Variants in MAP3K5 observed in about 807,000 individuals in gnomAD.
MAP3K5 encodes mitogen-activated protein kinase kinase kinase 5, also known as ASK-1.
MAP3K5 carries 56 observed loss-of-function variants against 158.7 expected under a neutral mutation model. That is an observed-to-expected ratio of 0.35 (90% CI 0.28 to 0.44). The LOEUF is 0.44. Ranked by LOEUF, MAP3K5 falls within the 20% of genes least tolerant of loss-of-function variation. The pLI is 1.00. For missense variants in MAP3K5, 1,294 were observed against 1,674.8 expected, an observed-to-expected ratio of 0.77 and a Z score of 3.97; for synonymous variants, 579 against 601.7, an observed-to-expected ratio of 0.96 and a Z score of 0.55.
intron 1 of MAP3K5, among the ~76,000 whole-genome samples, chr6:136,733,323 T>C (rs527365630): frequency 6.6e-6 from 1 of 152,278 alleles, no homozygotes; most frequent in South Asian, 2.1e-4. Context: ...TCGATGATGG[T>C]TTAGTAAGTG....
At chr6:136,597,549 T>A (rs1391134211) in intron 21 of MAP3K5, among the ~76,000 whole-genome samples, 1 of 152,230 alleles carries the variant, frequency 6.6e-6, no homozygotes, top group Non-Finnish European at 1.5e-5. Context: ...GTTCTCACAC[T>A]GCAGTGATGA....
chr6:136,576,932 G>A (rs78871671), intron 25 of MAP3K5, among the ~76,000 whole-genome samples: 3,160 of 151,606 alleles, frequency 0.021, 58 homozygotes, highest in East Asian at 0.072. Flanking sequence ...TTTGTAGCCC[G>A]GGAGCAACAG....
At chr6:136,762,284 G>C (rs1426595002) in intron 1 of MAP3K5, among the ~76,000 whole-genome samples, 2 of 152,216 alleles carry the variant, frequency 1.3e-5, no homozygotes, top group Non-Finnish European at 2.9e-5. Flanking sequence ...TGAGCACACA[G>C]AAAACAGAGC....
intron 11 of MAP3K5, among the ~76,000 whole-genome samples, chr6:136,649,584 A>G (rs1422126396): frequency 6.6e-6 from 1 of 152,198 alleles, no homozygotes; most frequent in Non-Finnish European, 1.5e-5. Flanking sequence ...ATTCTGATGC[A>G]GAGCCAGGTT....
intron 20 of MAP3K5, 40 bp from the exon 21 acceptor site, chr6:136,601,082 C>T: frequency 1.2e-6 from 2 of 1,610,448 alleles, no homozygotes; most frequent in South Asian, 1.1e-5. Flanking sequence ...TAAGCACGTG[C>T]TGGGTTTGTT....
intron 2 of MAP3K5, among the ~76,000 whole-genome samples, chr6:136,718,780 T>C (rs1217253548): frequency 6.6e-6 from 1 of 152,166 alleles, no homozygotes; most frequent in South Asian, 2.1e-4. Context: ...TAGGAAAGAA[T>C]GGGCACAAAA....
chr6:136,610,405 T>G (rs935455125), intron 18 of MAP3K5, among the ~76,000 whole-genome samples: 1 of 151,912 alleles, frequency 6.6e-6, no homozygotes, highest in African/African-American at 2.4e-5. Context: ...TCAGGAAAGC[T>G]CTCTCCCTCC....
chr6:136,622,297 C>G (rs1776841800), intron 15 of MAP3K5, among the ~76,000 whole-genome samples: 1 of 152,072 alleles, frequency 6.6e-6, no homozygotes, highest in African/African-American at 2.4e-5. Flanking sequence ...AGTTACAGTT[C>G]AGTTTTCCTA....
At position 136,572,652 on chromosome 6, in the gene MAP3K5, G is replaced by A. The variant is rs1404375569; in HGVS notation, c.3518-4778C>T. Among the ~76,000 whole-genome samples, 4 of 152,082 alleles carry A rather than the reference G, an allele frequency of 2.6e-5. No homozygotes were observed. The South Asian group carries it at 6.2e-4, about 24-fold the overall frequency. ...TATATTTAAATATCCTCTTAATTCT[G>A]TAAACTTTAAATTATCATTTTACGT... is the stretch of plus-strand genomic sequence containing the variant. On this transcript the variant is annotated intron_variant, in intron 25 of 29. Transcript: ENST00000359015.
chr6:136,681,591 C>G (rs1779935086), intron 7 of MAP3K5, among the ~76,000 whole-genome samples: 1 of 152,154 alleles, frequency 6.6e-6, no homozygotes, highest in African/African-American at 2.4e-5. Context: ...CATGATCACA[C>G]CCCTGCACTC....
intron 1 of MAP3K5, among the ~76,000 whole-genome samples, chr6:136,766,385 G>C (rs1455269651): frequency 6.6e-6 from 1 of 152,222 alleles, no homozygotes; most frequent in Non-Finnish European, 1.5e-5. Flanking sequence ...CAGCCAAGTA[G>C]GTCAAGGCTG....
chr6:136,561,741 AT>A, intron 27 of MAP3K5, 96 bp from the exon 28 acceptor site: 1 of 691,134 alleles, frequency 1.4e-6, no homozygotes, highest in Non-Finnish European at 2.6e-6. Flanking sequence ...ACTTTAAAAG[AT>A]TTTGCTCTAT....
chr6:136,783,142 T>A (rs1010615063), intron 1 of MAP3K5, among the ~76,000 whole-genome samples: 2 of 151,894 alleles, frequency 1.3e-5, no homozygotes, highest in Non-Finnish European at 2.9e-5. Flanking sequence ...CATCTCTACA[T>A]AAAAATACAA....
intron 23 of MAP3K5, among the ~76,000 whole-genome samples, chr6:136,591,824 G>A (rs1775399879): frequency 6.6e-6 from 1 of 152,142 alleles, no homozygotes; most frequent in East Asian, 1.9e-4. Context: ...GTCAGAATTA[G>A]CAACTCACAT....
intron 21 of MAP3K5, among the ~76,000 whole-genome samples, chr6:136,595,352 G>A (rs895864546): frequency 1.3e-5 from 2 of 152,186 alleles, no homozygotes; most frequent in Non-Finnish European, 2.9e-5. Context: ...TAATCCACCT[G>A]CTTCGGCCTC....
chr6:136,694,883 A>T (rs184193650), intron 6 of MAP3K5, among the ~76,000 whole-genome samples: 1 of 152,224 alleles, frequency 6.6e-6, no homozygotes, highest in African/African-American at 2.4e-5. Context: ...TAAAAATTCT[A>T]TAAGAGTTAT....
chr6:136,708,286 C>T lies in MAP3K5; in HGVS notation c.589-3153G>A, dbSNP rs536286688. ...TTTTTAATTTTTTGAGACAGGATCT[C>T]GCTATGTTACCCAGGCTGGAGTGCA... On this transcript the variant is annotated intron_variant, in intron 2 of 29. Coordinates refer to ENST00000359015, the MANE Select transcript of MAP3K5 (RefSeq NM_005923.4). Among the ~76,000 whole-genome samples the T allele has an allele frequency of 5.8e-5, 7 of 119,872 alleles. No homozygotes were observed. In the South Asian group the frequency reaches 1.3e-3, roughly 22 times the overall value. 78.6% of individuals were successfully genotyped at this position (119,872 alleles called of 152,430 possible). A position where few individuals can be genotyped will look rare whatever the true frequency, so the allele number is the denominator to read the frequency against.
intron 1 of MAP3K5, among the ~76,000 whole-genome samples, chr6:136,727,528 C>T (rs949217891): frequency 1.3e-5 from 2 of 152,228 alleles, no homozygotes; most frequent in African/African-American, 4.8e-5. Context: ...AAGTTCAGAA[C>T]ACAAGTGAGA....
chr6:136,661,435 G>A (rs1016875016), intron 8 of MAP3K5, among the ~76,000 whole-genome samples: 4 of 152,074 alleles, frequency 2.6e-5, no homozygotes, highest in East Asian at 1.9e-4. Flanking sequence ...TCACTCTGTC[G>A]CCCAGGCTGG....
Sources: allele counts gnomAD v4.1 joint callset (sites outside exome capture counted in the v4.1 genomes callset), GRCh38; gene constraint gnomAD v4.1.1; transcripts MANE v1.5; gene names NCBI Gene and HGNC (gene_info 2026-07-23, HGNC 2026-07-21).